The following JADE2 variants were observed in gnomAD, a reference collection of about 807,000 sequenced individuals.
JADE2 encodes the protein jade family PHD finger 2.
Under a neutral mutation model 85.7 loss-of-function variants are expected in JADE2, and 13 were observed. That is an observed-to-expected ratio of 0.15 (90% CI 0.10 to 0.24). The LOEUF is 0.24. JADE2 is among the 10% of genes least tolerant of loss of function. The pLI is 1.00. For missense variants in JADE2, 846 were observed against 1,115.9 expected (o/e 0.76, Z 3.45); for synonymous variants, 440 against 456.1 (o/e 0.96, Z 0.45).
In JADE2 at chr5:134,579,340, G is replaced by T. The variant is rs1368002498; in HGVS notation, c.*23G>T. ...TAACTCACCCCCTTCCCTGTCCCAG[G>T]CCCTGCCCTGGTCCCCCCACAAGGC... is the stretch of plus-strand genomic sequence containing the variant. On this transcript the variant is annotated 3_prime_UTR_variant, in exon 12 of 12. Coordinates refer to ENST00000681547, the MANE Select transcript of JADE2 (RefSeq NM_001388185.1). This position sits in a 1 kb window ranked among gnomAD's most constrained non-coding sequence, Gnocchi z 4.6. 6.6e-7 allele frequency: 1 copy of T among 1,523,504 alleles called. No individual in the cohort carries two copies. The highest frequency in any genetic ancestry group is 8.8e-7 in the Non-Finnish European group (1 of 1,133,076). 94.4% of individuals were successfully genotyped at this position (1,523,504 alleles called of 1,614,324 possible). A position where few individuals can be genotyped will look rare whatever the true frequency, so the allele number is the denominator to read the frequency against.
At chr5:134,568,842 G>A (rs1370571227) in intron 9 of JADE2, among the ~76,000 whole-genome samples, 1 of 152,266 alleles carries the variant, frequency 6.6e-6, no homozygotes, top group East Asian at 1.9e-4. Context: ...TTTCTGCAAA[G>A]GCCCATGGTG....
Position 134,578,801 on chromosome 5 carries a change from G to A in JADE2, c.1989G>A (p.Thr663=), listed in dbSNP as rs769542424. The change falls in exon 12 of 12, where the codon ACG becomes ACA. Residue 663 remains threonine, a synonymous_variant. Transcript: ENST00000681547. This position sits in a 1 kb window ranked among gnomAD's most constrained non-coding sequence, Gnocchi z 4.4. ...CGCAGGACGGGCCTGGTTCACGGAC[G>A]ACTCCAGACAAAGCCCCCAAGAAGA... is the stretch of plus-strand genomic sequence containing the variant. ...PPPQDGPGSR[T]TPDKAPKKTW... is the part of the protein sequence containing the mutation. The A allele has an allele frequency of 8.0e-5, 129 of 1,613,750 alleles. No individual in the cohort carries two copies. Among genetic ancestry groups the A allele is most frequent in the Non-Finnish European group, 9.1e-5 (107 of 1,180,000 alleles).
intron 1 of JADE2, among the ~76,000 whole-genome samples, chr5:134,532,028 G>C (rs1378888206): frequency 2.6e-5 from 4 of 150,986 alleles, no homozygotes; most frequent in Admixed American, 2.6e-4. Context: ...GGGACCACAG[G>C]CACACGCCAC....
At chr5:134,526,894 A>T in intron 1 of JADE2, 1 of 512,364 alleles carries the variant, frequency 2.0e-6, no homozygotes, top group South Asian at 8.3e-5. Context: ...CGGCGGCCGG[A>T]GCGGCGGGTG....
rs746421512 is a variant in JADE2 at position 134,578,686 on chromosome 5, G to A, written c.1874G>A (p.Arg625Gln). The change falls in exon 12 of 12, where the codon CGG becomes CAG. Residue 625 changes from arginine to glutamine, a missense_variant. Arg to Gln is a conservative substitution (Grantham distance 43). This residue lies in a region of JADE2 where 300 missense variants were observed against 300.7 expected (regional missense o/e 1.00). Coordinates refer to ENST00000681547, the MANE Select transcript of JADE2 (RefSeq NM_001388185.1). This position sits in a 1 kb window ranked among gnomAD's most constrained non-coding sequence, Gnocchi z 4.4. ...GAGGAGACACTGCTCAGCTTCATGC[G>A]GGACCCCTCGCTGCGACCTGGTGAC... is the stretch of plus-strand genomic sequence containing the variant. Reference protein sequence around the residue: ...QDEETLLSFMRDPSLRPGDPA... With the variant: ...QDEETLLSFMQDPSLRPGDPA... 2.5e-6 allele frequency: 4 copies of A among 1,613,894 alleles called. No homozygotes were observed. The highest frequency in any genetic ancestry group is 3.4e-6 in the Non-Finnish European group (4 of 1,180,004).
chr5:134,548,187 G>A (rs1762400853), intron 3 of JADE2, among the ~76,000 whole-genome samples: 1 of 152,218 alleles, frequency 6.6e-6, no homozygotes. Flanking sequence ...CTCGGAACTT[G>A]CAAAGACCAC....
intron 1 of JADE2, among the ~76,000 whole-genome samples, chr5:134,532,579 A>C (rs1223033039): frequency 6.6e-6 from 1 of 152,172 alleles, no homozygotes; most frequent in Non-Finnish European, 1.5e-5. Flanking sequence ...CTGTCCTCGA[A>C]AGCAAGTGCC....
Position 134,560,836 on chromosome 5 carries a change from C to T in JADE2, c.563C>T (p.Thr188Met), listed in dbSNP as rs936212827. ...CHQNMARAIE[T>M]QEGLGIEYDE... ...CAGAATATGGCCAGGGCCATTGAGACGCAGGAGGGGCTGGGCATCGAGTAC... is the reference window on the plus strand; with the variant it reads ...CAGAATATGGCCAGGGCCATTGAGATGCAGGAGGGGCTGGGCATCGAGTAC... The change falls in exon 6 of 12, where the codon ACG (threonine) becomes ATG (methionine). Residue 188 changes from threonine (T) to methionine (M), a missense_variant. Coordinates refer to ENST00000681547, the MANE Select transcript of JADE2 (RefSeq NM_001388185.1). 2.6e-5 allele frequency: 42 copies of T among 1,614,184 alleles called. No individual in the cohort carries two copies. Among genetic ancestry groups the T allele is most frequent in the Non-Finnish European group, 3.6e-5 (42 of 1,180,036 alleles).
chr5:134,528,083 G>C (rs1226042958), intron 1 of JADE2, among the ~76,000 whole-genome samples: 1 of 152,110 alleles, frequency 6.6e-6, no homozygotes, highest in Non-Finnish European at 1.5e-5. Context: ...TGCCTTTGTT[G>C]GAAGGAGGAC....
intron 3 of JADE2, among the ~76,000 whole-genome samples, chr5:134,543,669 T>G (rs1167736366): frequency 6.6e-6 from 1 of 152,002 alleles, no homozygotes; most frequent in Non-Finnish European, 1.5e-5. Flanking sequence ...AAAGCAAGAC[T>G]CTGTCTCAAA....
At chr5:134,561,022 C>T in intron 6 of JADE2, 65 bp downstream of exon 6, 2 of 1,419,106 alleles carry the variant, frequency 1.4e-6, no homozygotes, top group Non-Finnish European at 2.0e-6. Context: ...GCAGCGACCC[C>T]CACTTGGCTC....
Position 134,578,156 on chromosome 5 carries a change from A to C in JADE2, c.1682-338A>C, listed in dbSNP as rs1215582794. Among the ~76,000 whole-genome samples, 2 of 152,194 alleles carry C rather than the reference A, an allele frequency of 1.3e-5. No individual in the cohort carries two copies. The highest frequency in any genetic ancestry group is 2.9e-5 in the Non-Finnish European group (2 of 68,038). ...GCAGGCTTTCTGGTAAAATCCAAAA[A>C]ACCTGCTAGACAAACTAAAAGAGCT... On this transcript the variant is annotated intron_variant, in intron 11 of 11. Coordinates refer to ENST00000681547, the MANE Select transcript of JADE2 (RefSeq NM_001388185.1). This position sits in a 1 kb window ranked among gnomAD's most constrained non-coding sequence, Gnocchi z 4.4.
chr5:134,566,187 T>C lies in JADE2; in HGVS notation c.1041T>C (p.Thr347=). Residue 347 remains threonine, a synonymous_variant, in exon 9 of 12, where the codon ACT becomes ACC. Coordinates refer to ENST00000681547, the MANE Select transcript of JADE2 (RefSeq NM_001388185.1). The surrounding 1 kb of genome is among the most constrained non-coding windows in gnomAD (Gnocchi z 6.7). The part of the protein sequence containing the change: ...CAFDHGLEMR[T]ILADNDEVKF... Reference sequence around the variant, plus strand: ...TTGACCACGGCCTGGAAATGCGGACTATATTAGCAGACAACGATGAGGTCA... The same window carrying C: ...TTGACCACGGCCTGGAAATGCGGACCATATTAGCAGACAACGATGAGGTCA... 1.2e-6 allele frequency: 2 copies of C among 1,614,020 alleles called. No homozygotes were observed. The highest frequency in any genetic ancestry group is 1.7e-6 in the Non-Finnish European group (2 of 1,180,016).
chr5:134,551,941 C>A, intron 3 of JADE2, 111 bp from the exon 4 acceptor site: 1 of 945,316 alleles, frequency 1.1e-6, no homozygotes, highest in Admixed American at 2.0e-5. Flanking sequence ...TTTCTAAGTG[C>A]GCAGGCAGAA....
intron 4 of JADE2, among the ~76,000 whole-genome samples, chr5:134,557,375 CTTTT>C (rs59421890): frequency 8.2e-6 from 1 of 121,776 alleles, no homozygotes; most frequent in Non-Finnish European, 1.7e-5. Context: ...TTGAAAATAA[CTTTT>C]TTTTTTTTTT....
At position 134,580,530 on chromosome 5, in the gene JADE2, T is replaced by C. The variant is rs1764661468; in HGVS notation, c.*1213T>C. On this transcript the variant is annotated 3_prime_UTR_variant, in exon 12 of 12. Coordinates refer to ENST00000681547, the MANE Select transcript of JADE2 (RefSeq NM_001388185.1). ...GAGTTTCAGTAGAGTGGCCCCAGGG[T>C]GATAGCTCAGGGAACAACAAAAAAG... 1.4e-5 allele frequency: 2 copies of C among 147,546 alleles called. No individual in the cohort carries two copies. Among genetic ancestry groups the C allele is most frequent in the Non-Finnish European group, 3.0e-5 (2 of 67,272 alleles). 9.1% of individuals were successfully genotyped at this position (147,546 alleles called of 1,614,324 possible). A position where few individuals can be genotyped will look rare whatever the true frequency, so the allele number is the denominator to read the frequency against.
chr5:134,526,435 G>T (rs1760825482), intron 1 of JADE2: 1 of 985,378 alleles, frequency 1.0e-6, no homozygotes, highest in Non-Finnish European at 1.2e-6. Context: ...TGGGTACGGT[G>T]GGGAGGTCGA....
At chr5:134,543,523 A>T (rs1246077198) in intron 3 of JADE2, among the ~76,000 whole-genome samples, 9 of 151,950 alleles carry the variant, frequency 5.9e-5, no homozygotes, top group African/African-American at 1.4e-4. Context: ...AAAAAATTTT[A>T]AAAATTAGCT....
chr5:134,536,061 A>T (rs1261469303), intron 2 of JADE2, 146 bp downstream of exon 2: 1 of 704,828 alleles, frequency 1.4e-6, no homozygotes, highest in Non-Finnish European at 2.4e-6. Context: ...AGGTTTCTCC[A>T]CTCCTGCCCT....
Sources: gnomAD v4.1 joint callset for allele counts (sites outside exome capture counted in the v4.1 genomes callset) on GRCh38, gnomAD v4.1.1 for gene constraint, gnomAD v4.1.1 regional missense constraint, Gnocchi (gnomAD v3.1) non-coding constraint, MANE v1.5 for transcripts, NCBI Gene and HGNC (gene_info 2026-07-23, HGNC 2026-07-21) for gene names.